OXTR: variants seen among roughly 807,000 people sequenced by gnomAD.
OXTR encodes oxytocin receptor.
OXTR carries 19 observed loss-of-function variants against 23.9 expected under a neutral mutation model. The ratio of observed to expected loss-of-function variants is 0.80; its 90% confidence interval spans 0.56 to 1.17. OXTR has a LOEUF of 1.17. Ranked by LOEUF, OXTR falls within the 50% of genes most tolerant of loss-of-function variation. The probability of loss-of-function intolerance (pLI) is 0.00; values close to 1 mark genes in which losing one functional copy is unlikely to be tolerated. For missense variants in OXTR, 500 were observed against 550.7 expected (o/e 0.91, Z 0.92); for synonymous variants, 278 against 250.5 (o/e 1.11, Z -1.04).
Position 8,767,705 on chromosome 3 carries a change from C to A in OXTR, c.483G>T (p.Trp161Cys). The change falls in exon 3 of 4, where the codon TGG becomes TGT. Residue 161 changes from tryptophan (W) to cysteine (C), a missense_variant. By Grantham distance (215) the Trp-to-Cys change is radical. Coordinates refer to ENST00000316793, the MANE Select transcript of OXTR (RefSeq NM_000916.4). ...RTDRLAVLAT[W>C]LGCLVASAPQ... ...GCGCGCTGGCCACCAGGCAGCCGAG[C>A]CACGTGGCGAGCACTGCCAGGCGGT... 6 of 1,609,416 alleles carry A rather than the reference C, an allele frequency of 3.7e-6. No individual in the cohort carries two copies. The highest frequency in any genetic ancestry group is 5.1e-6 in the Non-Finnish European group (6 of 1,177,974).
intron 3 of OXTR, among the ~76,000 whole-genome samples, chr3:8,763,598 G>T (rs1298661165): frequency 6.6e-6 from 1 of 152,212 alleles, no homozygotes; most frequent in Non-Finnish European, 1.5e-5. Flanking sequence ...CAAGGGAAAA[G>T]GCTGGTGCCG....
chr3:8,759,775 A>G (rs1708448882), intron 3 of OXTR, among the ~76,000 whole-genome samples: 1 of 152,210 alleles, frequency 6.6e-6, no homozygotes, highest in Non-Finnish European at 1.5e-5. Flanking sequence ...AAAGGGCAGG[A>G]AGCCTTAGCT....
the OXTR span, among the ~76,000 whole-genome samples, chr3:8,744,482 G>C: frequency 2.3e-5 from 3 of 131,064 alleles, no homozygotes; most frequent in African/African-American, 8.7e-5. Context: ...ATTTTTAGTA[G>C]AGACAGGGTT....
downstream of OXTR, chr3:8,746,615 C>A (rs904561635): frequency 5.3e-5 from 8 of 152,096 alleles, no homozygotes; most frequent in African/African-American, 1.9e-4. Flanking sequence ...CCCGGAACCT[C>A]CCCTTTGGCT....
intron 3 of OXTR, among the ~76,000 whole-genome samples, chr3:8,759,876 G>A (rs1010235947): frequency 2.6e-5 from 4 of 152,114 alleles, no homozygotes; most frequent in African/African-American, 4.8e-5. Flanking sequence ...CTGGGACACT[G>A]GACACCACCT....
chr3:8,766,991 A>G (rs1003994330), intron 3 of OXTR, among the ~76,000 whole-genome samples: 2 of 152,124 alleles, frequency 1.3e-5, no homozygotes, highest in Non-Finnish European at 2.9e-5. Flanking sequence ...TGTGCTAAGG[A>G]CTTTAACTGC....
At chr3:8,755,107 C>A (rs1349439879) in intron 3 of OXTR, among the ~76,000 whole-genome samples, 1 of 152,132 alleles carries the variant, frequency 6.6e-6, no homozygotes, top group East Asian at 1.9e-4. Flanking sequence ...ATTTCACCAA[C>A]AAAATTGAAA....
chr3:8,767,994 C>A lies in OXTR; in HGVS notation c.194G>T (p.Arg65Leu). ...GCGCGAGTGCTTCTGGCGTGTGGTG[C>A]GCAGCGCCAGCAGCACACACGCGTT... is the stretch of plus-strand genomic sequence containing the variant. ...SGNACVLLALRTTRQKHSRLF... is the reference protein window; with the variant it reads ...SGNACVLLALLTTRQKHSRLF... Residue 65 changes from arginine to leucine, a missense_variant, in exon 3 of 4, where the codon CGC becomes CTC. Transcript: ENST00000316793. The A allele has an allele frequency of 6.2e-7, 1 of 1,611,028 alleles. No individual in the cohort carries two copies. Among genetic ancestry groups the A allele is most frequent in the Non-Finnish European group, 8.5e-7 (1 of 1,178,966 alleles).
At position 8,753,105 on chromosome 3, in the gene OXTR, A is replaced by G. The variant is rs1412682845; in HGVS notation, c.1042T>C (p.Ser348Pro). 8 of 1,614,052 alleles carry G rather than the reference A, an allele frequency of 5.0e-6. No individual in the cohort carries two copies. The highest frequency in any genetic ancestry group is 1.7e-5 in the Admixed American group (1 of 60,012). Residue 348 changes from serine (S) to proline (P), a missense_variant, in exon 4 of 4, where the codon TCC becomes CCC. Coordinates refer to ENST00000316793, the MANE Select transcript of OXTR (RefSeq NM_000916.4). Reference sequence around the variant, plus strand: ...CGTCTGCCCTTCAGGTAGCTGGCGGAGCAGCACAGGAAGCGCTGCACGAGT... The same window carrying G: ...CGTCTGCCCTTCAGGTAGCTGGCGGGGCAGCACAGGAAGCGCTGCACGAGT... ...HELVQRFLCC[S>P]ASYLKGRRLG...
the OXTR span, among the ~76,000 whole-genome samples, chr3:8,743,442 C>T: frequency 6.6e-6 from 1 of 152,186 alleles, no homozygotes; most frequent in Non-Finnish European, 1.5e-5. Flanking sequence ...GAAGTAACAT[C>T]CTTCCTGAGA....
At chr3:8,754,596 A>G (rs1708338025) in intron 3 of OXTR, among the ~76,000 whole-genome samples, 1 of 152,216 alleles carries the variant, frequency 6.6e-6, no homozygotes, top group Admixed American at 6.5e-5. Flanking sequence ...CCACTGATGA[A>G]GAGAACAGAG....
chr3:8,760,485 G>A (rs1395695170), intron 3 of OXTR, among the ~76,000 whole-genome samples: 1 of 152,238 alleles, frequency 6.6e-6, no homozygotes, highest in Non-Finnish European at 1.5e-5. Flanking sequence ...AGAGGCATCA[G>A]TAACTGTTTT....
At chr3:8,755,578 C>T (rs1239643034) in intron 3 of OXTR, among the ~76,000 whole-genome samples, 1 of 152,192 alleles carries the variant, frequency 6.6e-6, no homozygotes, top group African/African-American at 2.4e-5. Flanking sequence ...CTTCCGCCTC[C>T]AAGAGGCTGG....
In OXTR at chr3:8,750,421, AT is replaced by A. The variant is rs1312197125; in HGVS notation, c.*2555del. On this transcript the variant is annotated 3_prime_UTR_variant, in exon 4 of 4. Coordinates refer to ENST00000316793, the MANE Select transcript of OXTR (RefSeq NM_000916.4). ...TGTTGAATTTTTTTTGTTTATTTTT[AT>A]TTTTTAAAGTTCATTGGTTTTTAGT... is the stretch of plus-strand genomic sequence containing the variant. 5 of 152,086 alleles carry A rather than the reference AT, an allele frequency of 3.3e-5. No individual in the cohort carries two copies. The highest frequency in any genetic ancestry group is 6.6e-5 in the Admixed American group (1 of 15,258). The allele number at this position is 152,086 out of a possible 1,614,324, so 9.4% of individuals were successfully genotyped here.
chr3:8,744,275 ATTTT>A, the OXTR span, among the ~76,000 whole-genome samples: 3 of 120,854 alleles, frequency 2.5e-5, no homozygotes, highest in Admixed American at 8.4e-5. Flanking sequence ...GACCAGTGGA[ATTTT>A]TTTTTTTTTT....
At position 8,752,294 on chromosome 3, in the gene OXTR, C is replaced by T. The variant is rs1708279254; in HGVS notation, c.*683G>A. ...TCCTTAGGATTTTCTATATACAAAA[C>T]TGTGTCATCTGCAAATAGTTTTACT... On this transcript the variant is annotated 3_prime_UTR_variant, in exon 4 of 4. Transcript: ENST00000316793. 1 of 151,874 alleles carries T rather than the reference C, an allele frequency of 6.6e-6. No homozygotes were observed. The highest frequency in any genetic ancestry group is 2.1e-4 in the South Asian group (1 of 4,810). The allele number at this position is 151,874 out of a possible 1,614,324, so 9.4% of individuals were successfully genotyped here. A position where few individuals can be genotyped will look rare whatever the true frequency, so the allele number is the denominator to read the frequency against.
chr3:8,745,259 C>A, the OXTR span, among the ~76,000 whole-genome samples: 40 of 152,152 alleles, frequency 2.6e-4, no homozygotes, highest in Admixed American at 7.9e-4. This position sits in a 1 kb window ranked among gnomAD's most constrained non-coding sequence, Gnocchi z 4.8. Flanking sequence ...AAGCTCCCTG[C>A]GGCCTCACCT....
downstream of OXTR, among the ~76,000 whole-genome samples, chr3:8,747,360 T>C (rs950046216): frequency 6.6e-6 from 1 of 152,216 alleles, no homozygotes; most frequent in Admixed American, 6.5e-5. Context: ...TGTATGTAAA[T>C]TTCAAACACA....
Position 8,753,946 on chromosome 3 carries a change from T to C in OXTR, c.923-722A>G, listed in dbSNP as rs529367719. Among the ~76,000 whole-genome samples the C allele has an allele frequency of 1.8e-4, 27 of 152,292 alleles. No individual in the cohort carries two copies. In the East Asian group the frequency reaches 4.8e-3, roughly 27 times the overall value. On this transcript the variant is annotated intron_variant, in intron 3 of 3. Transcript: ENST00000316793. ...GTGAGCTGATTCCCAAAGATGCCTA[T>C]GGTTTTTCCAGGCAGAGCAGGGAAG...
Sources: allele counts gnomAD v4.1 joint callset (sites outside exome capture counted in the v4.1 genomes callset), GRCh38; gene constraint gnomAD v4.1.1; non-coding constraint Gnocchi (gnomAD v3.1); transcripts MANE v1.5; gene names NCBI Gene and HGNC (gene_info 2026-07-23, HGNC 2026-07-21).